POLR3H: variants seen among roughly 807,000 people sequenced by gnomAD.
POLR3H encodes RNA polymerase III subunit H.
In POLR3H, 17 loss-of-function variants were observed where a neutral mutation model predicts 25.5. The observed-to-expected ratio is 0.67, with a 90% CI of 0.46 to 1.00. The LOEUF is 1.00. POLR3H is among the 50% of genes least tolerant of loss of function. POLR3H has a pLI of 0.00. For synonymous variants in POLR3H, 129 were observed against 103.0 expected, an observed-to-expected ratio of 1.25 and a Z score of -1.53; for missense variants, 274 against 265.0, an observed-to-expected ratio of 1.03 and a Z score of -0.24.
At chr22:41,532,027 AGT>A in intron 4 of POLR3H, 65 bp downstream of exon 4, 1 of 1,427,090 alleles carries the variant, frequency 7.0e-7, no homozygotes, top group South Asian at 1.1e-5. Context: ...CACCCTAAGG[AGT>A]GGGGACCTTC....
chr22:41,533,859 C>T (rs2066793025), intron 2 of POLR3H, among the ~76,000 whole-genome samples: 1 of 152,232 alleles, frequency 6.6e-6, no homozygotes. Context: ...CTCACAGAGG[C>T]CGGGCGGGGT....
chr22:41,530,742 T>G lies in POLR3H; in HGVS notation c.506A>C (p.Asp169Ala). ...CAGCTCCTCACTGGAAGTGGTGGCATCTGCTGAGCTGGGCCCTGTGGGGGA... is the reference window on the plus strand; with the variant it reads ...CAGCTCCTCACTGGAAGTGGTGGCAGCTGCTGAGCTGGGCCCTGTGGGGGA... ...DTSPTGPSSA[D>A]ATTSSEELPK... The change falls in exon 5 of 6, where the codon GAT (aspartate) becomes GCT (alanine). Residue 169 changes from aspartate (D) to alanine (A), a missense_variant. By Grantham distance (126) the Asp-to-Ala change is moderately radical. Coordinates refer to ENST00000355209, the MANE Select transcript of POLR3H (RefSeq NM_001018050.4). The G allele has an allele frequency of 6.2e-7, 1 of 1,613,938 alleles. No individual in the cohort carries two copies. The highest frequency in any genetic ancestry group is 8.5e-7 in the Non-Finnish European group (1 of 1,180,024).
At position 41,530,748 on chromosome 22, in the gene POLR3H, G is replaced by A. The variant is rs577195318; in HGVS notation, c.500C>T (p.Ser167Leu). 7 of 1,613,994 alleles carry A rather than the reference G, an allele frequency of 4.3e-6. No individual in the cohort carries two copies. The South Asian group carries it at 7.7e-5, about 18-fold the overall frequency. The change falls in exon 5 of 6, where the codon TCA becomes TTA. Residue 167 changes from serine to leucine, a missense_variant. Coordinates refer to ENST00000355209, the MANE Select transcript of POLR3H (RefSeq NM_001018050.4). ...CTCACTGGAAGTGGTGGCATCTGCT[G>A]AGCTGGGCCCTGTGGGGGACGTGTC... ...FVDTSPTGPSSADATTSSEEL... is the reference protein window; with the variant it reads ...FVDTSPTGPSLADATTSSEEL...
At position 41,528,508 on chromosome 22, in the gene POLR3H, C is replaced by T. The variant is rs746682822; in HGVS notation, c.*775G>A. The stretch of plus-strand genomic sequence containing the variant: ...TGAAGTGCATCATCAAGCACCCCAA[C>T]GGGACCCAGGAGACCATCCTCCTGA... On this transcript the variant is annotated 3_prime_UTR_variant, in exon 6 of 6. Coordinates refer to ENST00000355209, the MANE Select transcript of POLR3H (RefSeq NM_001018050.4). 2.9e-5 allele frequency: 47 copies of T among 1,612,466 alleles called. No individual in the cohort carries two copies. Among genetic ancestry groups the T allele is most frequent in the Non-Finnish European group, 3.6e-5 (43 of 1,180,034 alleles).
chr22:41,528,132 A>C lies in POLR3H; in HGVS notation c.*1151T>G. On this transcript the variant is annotated 3_prime_UTR_variant, in exon 6 of 6. Transcript: ENST00000355209. ...TCCCAGGAGGCTTCATTCCAGCTGGAAAGGCCCCCAGTTCTCCAGGTGGCC... is the reference window on the plus strand; with the variant it reads ...TCCCAGGAGGCTTCATTCCAGCTGGCAAGGCCCCCAGTTCTCCAGGTGGCC... 1 of 1,503,376 alleles carries C rather than the reference A, an allele frequency of 6.7e-7. No individual in the cohort carries two copies. Among genetic ancestry groups the C allele is most frequent in the Non-Finnish European group, 9.0e-7 (1 of 1,111,698 alleles). The allele number at this position is 1,503,376 out of a possible 1,614,324, so 93.1% of individuals were successfully genotyped here.
rs891554807 is a variant in POLR3H at position 41,533,640 on chromosome 22, C to T, written c.209-895G>A. The T allele has an allele frequency of 4.6e-6, 6 of 1,303,730 alleles. No individual in the cohort carries two copies. The African/African-American group carries it at 9.1e-5, about 20-fold the overall frequency. The allele number at this position is 1,303,730 out of a possible 1,614,324, so 80.8% of individuals were successfully genotyped here. A position where few individuals can be genotyped will look rare whatever the true frequency, so the allele number is the denominator to read the frequency against. ...ACATGCCCCCCAGGACGGCAGGGAC[C>T]CTGGCATCAGCAGGGCATGAGGAGA... On this transcript the variant is annotated intron_variant, in intron 2 of 5. Coordinates refer to ENST00000355209, the MANE Select transcript of POLR3H (RefSeq NM_001018050.4).
At chr22:41,540,827 C>T (rs1193837625) in intron 1 of POLR3H, 32 bp from the exon 2 acceptor site, 10 of 1,536,366 alleles carry the variant, frequency 6.5e-6, no homozygotes, top group Non-Finnish European at 9.0e-6. Flanking sequence ...CACACAAGTA[C>T]ACATGGATAC....
Position 41,543,779 on chromosome 22 carries a change from T to C in POLR3H, c.111+212A>G, listed in dbSNP as rs187799420. 1,607 of 693,202 alleles carry C rather than the reference T, an allele frequency of 2.3e-3. 7 individuals carry two copies. The highest frequency in any genetic ancestry group is 3.2e-3 in the Non-Finnish European group (1,187 of 369,694). 42.9% of individuals were successfully genotyped at this position (693,202 alleles called of 1,614,324 possible). On this transcript the variant is annotated intron_variant, in intron 1 of 5. Coordinates refer to ENST00000355209, the MANE Select transcript of POLR3H (RefSeq NM_001018050.4). ...GCAATTGCAAAGTAATTTAGAATTG[T>C]GGAATCTAACACTTCCAGTTACAAC...
In POLR3H at chr22:41,527,347, G is replaced by T. The variant is rs780985245; in HGVS notation, c.*1936C>A. ...AGAACTACGGCGAGGGCTCGAGCCG[G>T]GAGCATGCAGCTCTGGAGCCTCGCC... On this transcript the variant is annotated 3_prime_UTR_variant, in exon 6 of 6. Coordinates refer to ENST00000355209, the MANE Select transcript of POLR3H (RefSeq NM_001018050.4). The T allele has an allele frequency of 1.2e-6, 2 of 1,614,146 alleles. No individual in the cohort carries two copies. Among genetic ancestry groups the T allele is most frequent in the Non-Finnish European group, 8.5e-7 (1 of 1,180,028 alleles).
chr22:41,527,843 A>G lies in POLR3H; in HGVS notation c.*1440T>C. 6.2e-7 allele frequency: 1 copy of G among 1,613,116 alleles called. No homozygotes were observed. Among genetic ancestry groups the G allele is most frequent in the Admixed American group, 1.7e-5 (1 of 59,940 alleles). Reference sequence around the variant, plus strand: ...TCCCAGAGCCCCAGATGGGTTCAGAAAATGAAGCTCTCCAGGCTAGTCAGG... The same window carrying G: ...TCCCAGAGCCCCAGATGGGTTCAGAGAATGAAGCTCTCCAGGCTAGTCAGG... On this transcript the variant is annotated 3_prime_UTR_variant, in exon 6 of 6. Coordinates refer to ENST00000355209, the MANE Select transcript of POLR3H (RefSeq NM_001018050.4).
At chr22:41,543,135 A>G (rs765198589) in intron 1 of POLR3H, among the ~76,000 whole-genome samples, 1 of 152,192 alleles carries the variant, frequency 6.6e-6, no homozygotes, top group East Asian at 1.9e-4. Context: ...GAAAAAGTCT[A>G]AGAAGGAAAG....
chr22:41,529,764 T>G (rs1415942889), intron 5 of POLR3H: 6 of 293,624 alleles, frequency 2.0e-5, no homozygotes, highest in East Asian at 2.0e-4. Context: ...TTTTTTGTTG[T>G]TTTTTTTTTT....
chr22:41,527,368 T>C lies in POLR3H; in HGVS notation c.*1915A>G. The stretch of plus-strand genomic sequence containing the variant: ...GCCGGGAGCATGCAGCTCTGGAGCC[T>C]CGCCACCTTGGGGGCCGGGCCATCA... On this transcript the variant is annotated 3_prime_UTR_variant, in exon 6 of 6. Coordinates refer to ENST00000355209, the MANE Select transcript of POLR3H (RefSeq NM_001018050.4). 6.2e-7 allele frequency: 1 copy of C among 1,613,968 alleles called. No individual in the cohort carries two copies.
intron 5 of POLR3H, chr22:41,529,693 C>T (rs764783628): frequency 1.4e-5 from 8 of 583,170 alleles, no homozygotes; most frequent in African/African-American, 5.5e-5. Flanking sequence ...AGCCACTCTT[C>T]CCCGGAGCCC....
chr22:41,535,844 A>T (rs2066832296), intron 2 of POLR3H, among the ~76,000 whole-genome samples: 1 of 152,128 alleles, frequency 6.6e-6, no homozygotes, highest in Non-Finnish European at 1.5e-5. Flanking sequence ...ATGGTGGTGC[A>T]TGCCTGTAAT....
At chr22:41,530,911 C>T (rs766510976) in intron 4 of POLR3H, 23 bp from the exon 5 acceptor site, 1 of 1,611,906 alleles carries the variant, frequency 6.2e-7, no homozygotes, top group East Asian at 2.2e-5. Flanking sequence ...AGGGTCAAGG[C>T]AGCAACCAGA....
At chr22:41,529,900 C>T (rs539752462) in intron 5 of POLR3H, among the ~76,000 whole-genome samples, 1,958 of 151,158 alleles carry the variant, frequency 0.013, 18 homozygotes, top group Admixed American at 0.021. Context: ...GGACTACAGG[C>T]GCCCGCCACC....
chr22:41,528,787 A>C lies in POLR3H; in HGVS notation c.*496T>G. The C allele has an allele frequency of 1.1e-6, 1 of 904,394 alleles. No individual in the cohort carries two copies. Among genetic ancestry groups the C allele is most frequent in the South Asian group, 1.8e-5 (1 of 54,452 alleles). 56.0% of individuals were successfully genotyped at this position (904,394 alleles called of 1,614,324 possible). A position where few individuals can be genotyped will look rare whatever the true frequency, so the allele number is the denominator to read the frequency against. On this transcript the variant is annotated 3_prime_UTR_variant, in exon 6 of 6. Transcript: ENST00000355209. The stretch of plus-strand genomic sequence containing the variant: ...TGGTTGTGGTGGGGGGGTTCTTAAA[A>C]TAACTTTTTAGCCCCCGTCTTCCTA...
intron 3 of POLR3H, 60 bp downstream of exon 3, chr22:41,532,599 C>A (rs1569031797): frequency 1.9e-6 from 3 of 1,613,048 alleles, no homozygotes; most frequent in Non-Finnish European, 2.5e-6. Context: ...TGGGTGGACA[C>A]AGACCTCCTG....
Sources: gnomAD v4.1 joint callset for allele counts (sites outside exome capture counted in the v4.1 genomes callset) on GRCh38, gnomAD v4.1.1 for gene constraint, MANE v1.5 for transcripts, NCBI Gene and HGNC (gene_info 2026-07-23, HGNC 2026-07-21) for gene names.